The following PREPL variants were observed in gnomAD, a reference collection of about 807,000 sequenced individuals.
The protein encoded by PREPL is prolyl endopeptidase like.
Under a neutral mutation model 70.6 loss-of-function variants are expected in PREPL, and 77 were observed. The observed-to-expected ratio is 1.09, with a 90% confidence interval of 0.91 to 1.32. PREPL has a LOEUF of 1.32. Ranked by LOEUF, PREPL falls within the 40% of genes most tolerant of loss-of-function variation. The pLI is 0.00. For missense variants in PREPL, 1,002 were observed against 778.2 expected, an observed-to-expected ratio of 1.29 and a Z score of -3.42; for synonymous variants, 315 against 264.8, an observed-to-expected ratio of 1.19 and a Z score of -1.84.
At chr2:44,359,627 T>C (rs1232529462) in intron 1 of PREPL, 1 of 1,611,902 alleles carries the variant, frequency 6.2e-7, no homozygotes, top group Non-Finnish European at 8.5e-7. Flanking sequence ...GAAGTTATAG[T>C]GATTCAAATG....
chr2:44,353,571 G>C (rs1165721184), intron 1 of PREPL, among the ~76,000 whole-genome samples: 5 of 151,316 alleles, frequency 3.3e-5, no homozygotes, highest in South Asian at 4.2e-4. Flanking sequence ...CTGGGCGACA[G>C]AGCGAGACTC....
chr2:44,336,370 A>C (rs1674640189), intron 7 of PREPL, among the ~76,000 whole-genome samples: 1 of 152,204 alleles, frequency 6.6e-6, no homozygotes, highest in African/African-American at 2.4e-5. Flanking sequence ...TAAAAAAGAG[A>C]TAATGTTCTT....
At chr2:44,359,385 C>G in intron 1 of PREPL, 1 of 875,916 alleles carries the variant, frequency 1.1e-6, no homozygotes, top group African/African-American at 1.7e-5. Flanking sequence ...TTAGAAAAAT[C>G]AAGTTAGAAT....
In PREPL at chr2:44,339,225, A is replaced by G; in HGVS notation, c.624T>C (p.His208=). 1 of 1,614,090 alleles carries G rather than the reference A, an allele frequency of 6.2e-7. No individual in the cohort carries two copies. The highest frequency in any genetic ancestry group is 1.1e-5 in the South Asian group (1 of 91,074). The change falls in exon 6 of 14, where the codon CAT becomes CAC. Residue 208 remains histidine, a synonymous_variant. Transcript: ENST00000409411. ...TGTGTTCAACATAGTAAAGGACCCC[A>G]TGTATTCGCTTCTGGATAAGTACTG... ...DPPVLIQKRI[H]GVLYYVEHRD...
chr2:44,343,876 C>T lies in PREPL; in HGVS notation c.218G>A (p.Arg73Lys). 2 of 1,614,050 alleles carry T rather than the reference C, an allele frequency of 1.2e-6. No homozygotes were observed. The highest frequency in any genetic ancestry group is 1.7e-6 in the Non-Finnish European group (2 of 1,179,972). Residue 73 changes from arginine (R) to lysine (K), a missense_variant, in exon 4 of 14, where the codon AGA becomes AAA. Arg to Lys is a conservative substitution (Grantham distance 26). Coordinates refer to ENST00000409411, the MANE Select transcript of PREPL (RefSeq NM_001171613.2). Reference sequence around the variant, plus strand: ...CACATATTTTTCATCTGGAGCAACTCTGATACAATCAATGAAGGGCTGGTC... The same window carrying T: ...CACATATTTTTCATCTGGAGCAACTTTGATACAATCAATGAAGGGCTGGTC... ...KLDQPFIDCIRVAPDEKYVAA... is the reference protein window; with the variant it reads ...KLDQPFIDCIKVAPDEKYVAA...
intron 2 of PREPL, 122 bp downstream of exon 2, chr2:44,346,146 A>T: frequency 1.1e-6 from 1 of 877,862 alleles, no homozygotes; most frequent in Non-Finnish European, 1.7e-6. Context: ...TTTTCAGCAT[A>T]TTTTAAAGGC....
chr2:44,346,208 T>C (rs1206026907), intron 2 of PREPL, 60 bp downstream of exon 2: 12 of 1,464,246 alleles, frequency 8.2e-6, no homozygotes, highest in Non-Finnish European at 9.4e-6. Context: ...ACCAAGTATC[T>C]CATTTGCATC....
rs1672835850 is a variant in PREPL, at chr2:44,320,478, G to GTA, written c.*877_*878insTA. On this transcript the variant is annotated 3_prime_UTR_variant, in exon 14 of 14. Coordinates refer to ENST00000409411, the MANE Select transcript of PREPL (RefSeq NM_001171613.2). ...CAATTCTGCCGACAAAGGCAGTAAAGTTGATACAAGTGGCATTTTTCTGGA... is the reference window on the plus strand; with the variant it reads ...CAATTCTGCCGACAAAGGCAGTAAAGTATTGATACAAGTGGCATTTTTCTGGA... 1 of 1,614,164 alleles carries GTA rather than the reference G, an allele frequency of 6.2e-7. No homozygotes were observed. The highest frequency in any genetic ancestry group is 2.2e-5 in the East Asian group (1 of 44,882).
At chr2:44,321,934 T>C (rs746895439) in intron 12 of PREPL, 34 bp from the exon 13 acceptor site, 20 of 1,589,292 alleles carry the variant, frequency 1.3e-5, no homozygotes, top group African/African-American at 1.1e-4. Context: ...AATTAGAAGA[T>C]TGTATGGGAT....
Position 44,318,214 on chromosome 2 carries a change from C to T in PREPL, c.*3142G>A, listed in dbSNP as rs1304435294. On this transcript the variant is annotated 3_prime_UTR_variant, in exon 14 of 14. Transcript: ENST00000409411. Reference sequence around the variant, plus strand: ...CAAGTGATTCTCCTGCTGCAGCCTCCCAAGTAGCTGGGATTACAGGTGCAC... The same window carrying T: ...CAAGTGATTCTCCTGCTGCAGCCTCTCAAGTAGCTGGGATTACAGGTGCAC... 5.2e-6 allele frequency: 2 copies of T among 385,194 alleles called. No individual in the cohort carries two copies. Among genetic ancestry groups the T allele is most frequent in the South Asian group, 1.8e-5 (1 of 55,392 alleles). The allele number at this position is 385,194 out of a possible 1,614,324, so 23.9% of individuals were successfully genotyped here.
chr2:44,322,035 C>A, intron 12 of PREPL, 135 bp from the exon 13 acceptor site: 1 of 862,788 alleles, frequency 1.2e-6, no homozygotes, highest in Non-Finnish European at 1.7e-6. Context: ...AAACCACCAT[C>A]ATCAACAAAA....
chr2:44,335,832 A>G (rs1674583463), intron 7 of PREPL, among the ~76,000 whole-genome samples: 1 of 152,056 alleles, frequency 6.6e-6, no homozygotes, highest in African/African-American at 2.4e-5. Flanking sequence ...AGGAACTTAT[A>G]TTAACAAGCA....
rs1672658656 is a variant in PREPL, at chr2:44,318,724, T to C, written c.*2632A>G. ...TGTTGAAGAAAACCTTTTTATAGTA[T>C]GTATTCTTGTAATTGAATAAAAAAT... is the stretch of plus-strand genomic sequence containing the variant. On this transcript the variant is annotated 3_prime_UTR_variant, in exon 14 of 14. Coordinates refer to ENST00000409411, the MANE Select transcript of PREPL (RefSeq NM_001171613.2). 1 of 152,220 alleles carries C rather than the reference T, an allele frequency of 6.6e-6. No individual in the cohort carries two copies. The highest frequency in any genetic ancestry group is 6.5e-5 in the Admixed American group (1 of 15,284). The allele number at this position is 152,220 out of a possible 1,614,324, so 9.4% of individuals were successfully genotyped here. A position where few individuals can be genotyped will look rare whatever the true frequency, so the allele number is the denominator to read the frequency against.
rs549024166 is a variant in PREPL, at chr2:44,320,124, T to G, written c.*1232A>C. On this transcript the variant is annotated 3_prime_UTR_variant, in exon 14 of 14. Coordinates refer to ENST00000409411, the MANE Select transcript of PREPL (RefSeq NM_001171613.2). ...GCAAGTGTTTTGGGTAAATAACTCCTTACAATATATTAAAAATACTTACAA... is the reference window on the plus strand; with the variant it reads ...GCAAGTGTTTTGGGTAAATAACTCCGTACAATATATTAAAAATACTTACAA... The G allele has an allele frequency of 1.8e-4, 242 of 1,342,204 alleles. No individual in the cohort carries two copies. In the African/African-American group the frequency reaches 2.9e-3, roughly 16 times the overall value. The allele number at this position is 1,342,204 out of a possible 1,614,324, so 83.1% of individuals were successfully genotyped here.
intron 1 of PREPL, chr2:44,359,378 G>T (rs775051463): frequency 3.6e-6 from 3 of 841,722 alleles, no homozygotes; most frequent in Non-Finnish European, 5.5e-6. Flanking sequence ...TTGAAAATTA[G>T]AAAAATCAAG....
intron 1 of PREPL, among the ~76,000 whole-genome samples, chr2:44,360,874 G>A (rs981638976): frequency 6.6e-6 from 1 of 152,114 alleles, no homozygotes; most frequent in African/African-American, 2.4e-5. Flanking sequence ...TCCACAAAAT[G>A]CCCCCTGGTA....
intron 8 of PREPL, among the ~76,000 whole-genome samples, chr2:44,330,571 G>A (rs1415468290): frequency 6.6e-6 from 1 of 152,062 alleles, no homozygotes; most frequent in Admixed American, 6.5e-5. Context: ...CTGTATTTTT[G>A]CATCTGTTCA....
At chr2:44,353,262 G>A (rs113584712) in intron 1 of PREPL, among the ~76,000 whole-genome samples, 2 of 151,446 alleles carry the variant, frequency 1.3e-5, no homozygotes, top group Non-Finnish European at 2.9e-5. Flanking sequence ...CATTTGTTTA[G>A]AAAGAATACA....
Position 44,326,946 on chromosome 2 carries a change from A to G in PREPL, c.1263-18T>C. The G allele has an allele frequency of 6.2e-7, 1 of 1,610,592 alleles. No individual in the cohort carries two copies. The highest frequency in any genetic ancestry group is 8.5e-7 in the Non-Finnish European group (1 of 1,177,366). On this transcript the variant is annotated intron_variant, in intron 9 of 13. Transcript: ENST00000409411. ...CACCACCTCTGAAATTGAAGGGCAA[A>G]AAAGTTTTAGTGGAAAAAAAAAGTT...
Sources: gnomAD v4.1 joint callset for allele counts (sites outside exome capture counted in the v4.1 genomes callset) on GRCh38, gnomAD v4.1.1 for gene constraint, MANE v1.5 for transcripts, NCBI Gene and HGNC (gene_info 2026-07-23, HGNC 2026-07-21) for gene names.